Variants in CCDC57 observed in about 807,000 individuals in gnomAD.
CCDC57 encodes coiled-coil domain-containing protein 57.
A neutral mutation model predicts 118.9 loss-of-function variants in CCDC57; 118 were observed. The ratio of observed to expected loss-of-function variants is 0.99; its 90% CI spans 0.86 to 1.16. The LOEUF is 1.16. Ranked by LOEUF, CCDC57 falls within the 50% of genes most tolerant of loss-of-function variation. The probability of loss-of-function intolerance (pLI) is 0.00; values close to 1 mark genes in which losing one functional copy is unlikely to be tolerated. For synonymous variants in CCDC57, 527 were observed against 532.9 expected, an observed-to-expected ratio of 0.99 and a Z score of 0.15; for missense variants, 1,300 against 1,320.7, an observed-to-expected ratio of 0.98 and a Z score of 0.24.
intron 17 of CCDC57, among the ~76,000 whole-genome samples, chr17:82,133,844 A>G (rs1442101312): frequency 8.4e-6 from 1 of 118,988 alleles, no homozygotes; most frequent in African/African-American, 3.0e-5. Flanking sequence ...TGGGCAACAG[A>G]GCAAGACTGT....
At chr17:82,134,299 C>T in intron 16 of CCDC57, 105 bp from the exon 16 acceptor site, 1 of 1,131,078 alleles carries the variant, frequency 8.8e-7, no homozygotes, top group South Asian at 4.4e-5. Flanking sequence ...CTTTTCAAAA[C>T]CAAAGTAACT....
At chr17:82,186,323 C>T (rs564608503) in intron 8 of CCDC57, among the ~76,000 whole-genome samples, 1 of 152,276 alleles carries the variant, frequency 6.6e-6, no homozygotes, top group South Asian at 2.1e-4. Context: ...TCAAGAACAA[C>T]ATTTAGCTTA....
At chr17:82,144,409 T>TC (rs1450037791) in intron 16 of CCDC57, among the ~76,000 whole-genome samples, 1 of 152,140 alleles carries the variant, frequency 6.6e-6, no homozygotes, top group Non-Finnish European at 1.5e-5. Context: ...TAGCATGTAC[T>TC]CCCCACAGAC....
At chr17:82,106,467 G>A (rs1308760892) in intron 19 of CCDC57, 3 of 152,670 alleles carry the variant, frequency 2.0e-5, no homozygotes, top group African/African-American at 7.2e-5. Context: ...AGGAGGCTGA[G>A]ACGGTGAGAG....
At chr17:82,136,232 C>A (rs1055320432) in intron 16 of CCDC57, among the ~76,000 whole-genome samples, 1 of 152,156 alleles carries the variant, frequency 6.6e-6, no homozygotes, top group Non-Finnish European at 1.5e-5. Context: ...AGTGGCCTGT[C>A]CCCCAGCAAA....
At chr17:82,136,502 T>C (rs2039193024) in intron 16 of CCDC57, among the ~76,000 whole-genome samples, 1 of 152,016 alleles carries the variant, frequency 6.6e-6, no homozygotes, top group African/African-American at 2.4e-5. Context: ...CACAACATTC[T>C]TGACGTGCTT....
At chr17:82,198,371 T>C (rs1286823245) in exon 4 of CCDC57, 1 of 1,613,606 alleles carries the variant, frequency 6.2e-7, no homozygotes, top group South Asian at 1.1e-5. Flanking sequence ...CCAGTGTCCA[T>C]TTTAGATTTT....
intron 17 of CCDC57, among the ~76,000 whole-genome samples, chr17:82,131,114 C>G (rs2038298095): frequency 6.6e-6 from 1 of 150,874 alleles, no homozygotes; most frequent in African/African-American, 2.4e-5. Context: ...GGCCCAAATA[C>G]TGGCCACATT....
At chr17:82,134,567 G>C (rs975410047) in intron 16 of CCDC57, among the ~76,000 whole-genome samples, 2 of 152,118 alleles carry the variant, frequency 1.3e-5, no homozygotes, top group African/African-American at 4.8e-5. Context: ...GCTGAGGCAG[G>C]TTGCTCACTT....
At chr17:82,128,738 G>C (rs1598746859) in intron 17 of CCDC57, 141 bp from the exon 17 acceptor site, 2 of 659,730 alleles carry the variant, frequency 3.0e-6, no homozygotes, top group African/African-American at 1.8e-5. Context: ...GTGACAGCCC[G>C]GACTGAAGGG....
chr17:82,206,461 A>G (rs575649550), intron 2 of CCDC57, among the ~76,000 whole-genome samples: 4 of 148,804 alleles, frequency 2.7e-5, no homozygotes, highest in Non-Finnish European at 6.0e-5. Context: ...CAGAGCTCCC[A>G]CCCTCTACCC....
intron 5 of CCDC57, chr17:82,194,353 C>G (rs1364783571): frequency 4.0e-6 from 2 of 496,710 alleles, no homozygotes; most frequent in African/African-American, 3.9e-5. Flanking sequence ...CTCTGTTGCC[C>G]AGGCTGGAGT....
At chr17:82,185,478 G>A (rs1159431833) in intron 8 of CCDC57, among the ~76,000 whole-genome samples, 7 of 150,972 alleles carry the variant, frequency 4.6e-5, no homozygotes, top group Non-Finnish European at 1.0e-4. Context: ...AATTAGCCGG[G>A]TGTGGTGGCA....
chr17:82,124,196 G>A (rs2037115592), intron 19 of CCDC57, among the ~76,000 whole-genome samples: 1 of 152,180 alleles, frequency 6.6e-6, no homozygotes, highest in Non-Finnish European at 1.5e-5. Context: ...CCTGAGGGTA[G>A]GACCTAATTC....
chr17:82,165,548 C>T (rs370409200), intron 13 of CCDC57, among the ~76,000 whole-genome samples: 1 of 151,918 alleles, frequency 6.6e-6, no homozygotes, highest in African/African-American at 2.4e-5. Context: ...AAGACGGGGA[C>T]GTGCAGGTGG....
chr17:82,106,116 G>C (rs1472676542), intron 19 of CCDC57, among the ~76,000 whole-genome samples: 2 of 152,262 alleles, frequency 1.3e-5, no homozygotes, highest in African/African-American at 4.8e-5. Context: ...AGGCCTGTCT[G>C]CTACAGCCTG....
At chr17:82,149,263 G>T (rs113589741) in intron 16 of CCDC57, among the ~76,000 whole-genome samples, 6,051 of 147,354 alleles carry the variant, frequency 0.041, 208 homozygotes, top group Middle Eastern at 0.089. Flanking sequence ...ATGGATGGGG[G>T]GGGTGGGTGA....
chr17:82,142,314 TG>T lies in CCDC57; in HGVS notation c.2456-8121del, dbSNP rs200876252. Among the ~76,000 whole-genome samples, 1,277 of 150,882 alleles carry T rather than the reference TG, an allele frequency of 8.5e-3. 13 individuals carry two copies. Among genetic ancestry groups the T allele is most frequent in the Middle Eastern group, 0.017 (5 of 290 alleles). ...AGTAACACAGCACTGAAGTTGTGTT[TG>T]TTTTTTTTTTTTCTTGAGACGGAGT... On this transcript the variant is annotated intron_variant, in intron 16 of 19. Coordinates refer to ENST00000665763, the Ensembl canonical transcript of CCDC57.
At chr17:82,170,713 G>T (rs144077415) in intron 13 of CCDC57, among the ~76,000 whole-genome samples, 4 of 152,104 alleles carry the variant, frequency 2.6e-5, no homozygotes, top group Non-Finnish European at 4.4e-5. Flanking sequence ...AAATAAAACC[G>T]TTGTTTAAGC....
Sources: gnomAD v4.1 joint callset for allele counts (sites outside exome capture counted in the v4.1 genomes callset) on GRCh38, gnomAD v4.1.1 for gene constraint, MANE v1.5 for transcripts, NCBI Gene and HGNC (gene_info 2026-07-23, HGNC 2026-07-21) for gene names.